The following HTR2C variants were observed in gnomAD, a reference collection of about 807,000 sequenced individuals.
HTR2C encodes 5-hydroxytryptamine receptor 2C.
Under a neutral mutation model 21.0 loss-of-function variants are expected in HTR2C, and 5 were observed. The ratio of observed to expected loss-of-function variants is 0.24; its 90% CI spans 0.12 to 0.50. The LOEUF is 0.50. Among genes scored for constraint, HTR2C ranks in the 20% least tolerant of loss-of-function variants. The pLI, the probability that HTR2C is intolerant of heterozygous loss-of-function variation, is 0.98. For missense variants in HTR2C, 271 were observed against 371.2 expected (o/e 0.73, Z 2.22); for synonymous variants, 150 against 145.3 (o/e 1.03, Z -0.23).
intron 3 of HTR2C, among the ~76,000 whole-genome samples, chrX:114,730,806 A>G (rs1199360347): frequency 9.0e-6 from 1 of 111,563 alleles, no homozygotes; most frequent in African/African-American, 3.3e-5. Context: ...AAAAATATAA[A>G]GAATAGACTA....
At chrX:114,798,903 A>AATATTTTG (rs1250057860) in intron 4 of HTR2C, among the ~76,000 whole-genome samples, 2 of 110,733 alleles carry the variant, frequency 1.8e-5, no homozygotes, top group East Asian at 5.7e-4. Context: ...CTAATTACTG[A>AATATTTTG]ATAAAGTATT....
rs781806415 is a variant in HTR2C at position 114,806,923 on chromosome X, TATATATACCATATGTATATACC to T, written c.350-41044_350-41023del. Among the ~76,000 whole-genome samples the T allele has an allele frequency of 3.3e-3, 312 of 93,717 alleles. 3 individuals carry two copies. The highest frequency in any genetic ancestry group is 0.021 in the South Asian group (39 of 1,899). The allele number at this position is 93,717 out of a possible 115,157, so 81.4% of individuals were successfully genotyped here. On this transcript the variant is annotated intron_variant, in intron 4 of 5. Coordinates refer to ENST00000276198, the MANE Select transcript of HTR2C (RefSeq NM_000868.4). Reference sequence around the variant, plus strand: ...ATACACACACCATATGTATATACCATATATATACCATATGTATATACCATATATACCATATGTATATACCATA... The same window carrying T: ...ATACACACACCATATGTATATACCATATATATACCATATGTATATACCATA...
chrX:114,836,411 C>A (rs1019841228), intron 4 of HTR2C, among the ~76,000 whole-genome samples: 1 of 112,585 alleles, frequency 8.9e-6, no homozygotes, highest in Admixed American at 9.3e-5. Context: ...TCTGGTGGTG[C>A]GCCGTTTTTT....
Position 114,656,557 on chromosome X carries a change from G to A in HTR2C, c.-80+42676G>A, listed in dbSNP as rs782453629. ...ATGGAGTGAGAAACAGAAATAGAGAGTTTTTAATCCAGAGAGACAGAGAGT... is the reference window on the plus strand; with the variant it reads ...ATGGAGTGAGAAACAGAAATAGAGAATTTTTAATCCAGAGAGACAGAGAGT... On this transcript the variant is annotated intron_variant, in intron 2 of 5. Transcript: ENST00000276198. Among the ~76,000 whole-genome samples, 4 of 111,256 alleles carry A rather than the reference G, an allele frequency of 3.6e-5. No individual in the cohort carries two copies. In the East Asian group the frequency reaches 1.1e-3, roughly 31 times the overall value.
At chrX:114,897,508 A>T (rs892187824) in intron 5 of HTR2C, among the ~76,000 whole-genome samples, 1 of 110,988 alleles carries the variant, frequency 9.0e-6, no homozygotes, top group Admixed American at 9.6e-5. Flanking sequence ...TCATCCCATC[A>T]CTTAGGTATT....
At chrX:114,641,218 G>C (rs1041617914) in intron 2 of HTR2C, among the ~76,000 whole-genome samples, 18 of 110,255 alleles carry the variant, frequency 1.6e-4, no homozygotes, top group Admixed American at 1.6e-3. Flanking sequence ...TGAATAAAAT[G>C]TTTATTCGTA....
At chrX:114,848,672 T>C (rs931784845) in intron 5 of HTR2C, among the ~76,000 whole-genome samples, 13 of 111,296 alleles carry the variant, frequency 1.2e-4, no homozygotes, top group African/African-American at 3.9e-4. Context: ...TAAATCATCA[T>C]CAAGTAAATA....
At chrX:114,738,292 A>G (rs970172913) in intron 4 of HTR2C, among the ~76,000 whole-genome samples, 6 of 111,898 alleles carry the variant, frequency 5.4e-5, no homozygotes, top group African/African-American at 1.9e-4. Flanking sequence ...CCAGTCTCAA[A>G]AAAATGTATG....
chrX:114,833,835 T>G (rs1556462310), intron 4 of HTR2C, among the ~76,000 whole-genome samples: 1 of 110,718 alleles, frequency 9.0e-6, no homozygotes, highest in Non-Finnish European at 1.9e-5. Flanking sequence ...CTTGTGGGCA[T>G]TTAGTGCTAT....
intron 4 of HTR2C, among the ~76,000 whole-genome samples, chrX:114,805,652 TATATATACC>T (rs1181915441): frequency 0.18 from 5,326 of 30,138 alleles, 2,094 homozygotes; most frequent in East Asian, 0.71. Context: ...ATATACACCA[TATATATACC>T]ATATATATAC....
At chrX:114,762,001 CAT>C (rs1556432673) in intron 4 of HTR2C, among the ~76,000 whole-genome samples, 2 of 5,858 alleles carry the variant, frequency 3.4e-4, no homozygotes, top group African/African-American at 4.8e-4. Flanking sequence ...TATATATACA[CAT>C]ATATATAGTA....
intron 4 of HTR2C, among the ~76,000 whole-genome samples, chrX:114,733,712 C>A (rs1392907413): frequency 9.1e-6 from 1 of 110,031 alleles, no homozygotes; most frequent in African/African-American, 3.3e-5. Flanking sequence ...TACTGTCTCC[C>A]ACTGTCCCCC....
intron 5 of HTR2C, among the ~76,000 whole-genome samples, chrX:114,905,178 G>A (rs1277690441): frequency 9.0e-6 from 1 of 110,627 alleles, no homozygotes. Flanking sequence ...CTATAGGTAG[G>A]CATGGACCAA....
intron 2 of HTR2C, among the ~76,000 whole-genome samples, chrX:114,689,868 A>T (rs1190204071): frequency 8.9e-6 from 1 of 112,139 alleles, no homozygotes; most frequent in Non-Finnish European, 1.9e-5. Context: ...GTGATGCAGT[A>T]CTTTTTAAAG....
At chrX:114,608,315 G>A (rs940156551) in intron 1 of HTR2C, among the ~76,000 whole-genome samples, 1 of 111,342 alleles carries the variant, frequency 9.0e-6, no homozygotes, top group African/African-American at 3.3e-5. Flanking sequence ...GAATTCAGTG[G>A]TTTTTAGTAT....
At chrX:114,654,310 A>G (rs1930701142) in intron 2 of HTR2C, among the ~76,000 whole-genome samples, 1 of 107,533 alleles carries the variant, frequency 9.3e-6, no homozygotes, top group Non-Finnish European at 1.9e-5. Flanking sequence ...TATAACATAT[A>G]TATCATATAT....
At chrX:114,863,166 C>T (rs1228164362) in intron 5 of HTR2C, among the ~76,000 whole-genome samples, 3 of 110,953 alleles carry the variant, frequency 2.7e-5, no homozygotes, top group African/African-American at 9.8e-5. Flanking sequence ...GTGCAGATAT[C>T]TCTTCAATAT....
chrX:114,882,164 A>G (rs2071186621), intron 5 of HTR2C, among the ~76,000 whole-genome samples: 1 of 110,808 alleles, frequency 9.0e-6, no homozygotes, highest in Admixed American at 9.7e-5. Flanking sequence ...TTGCAAGTGT[A>G]CAGAAATATA....
In HTR2C at chrX:114,819,752, G is replaced by C. The variant is rs112262465; in HGVS notation, c.350-28251G>C. On this transcript the variant is annotated intron_variant, in intron 4 of 5. Transcript: ENST00000276198. ...TGTAGTTATAGCTTGTGGAACACGG[G>C]CTGAGGATCAGCCTAGTCAGCAGCT... 9.1e-3 allele frequency among the ~76,000 whole-genome samples: 1,020 copies of C among 112,361 alleles called. 17 individuals carry two copies. Among genetic ancestry groups the C allele is most frequent in the African/African-American group, 0.031 (965 of 30,979 alleles).
Sources: gnomAD v4.1 joint callset for allele counts (sites outside exome capture counted in the v4.1 genomes callset) on GRCh38, gnomAD v4.1.1 for gene constraint, MANE v1.5 for transcripts, NCBI Gene and HGNC (gene_info 2026-07-23, HGNC 2026-07-21) for gene names.